Variants in CSMD3 observed in about 807,000 individuals in gnomAD.
The protein encoded by CSMD3 is CUB and Sushi multiple domains 3.
A neutral mutation model predicts 435.2 loss-of-function variants in CSMD3; 177 were observed. The ratio of observed to expected loss-of-function variants is 0.41; its 90% CI spans 0.36 to 0.46. The LOEUF is 0.46. Among genes scored for constraint, CSMD3 ranks in the 20% least tolerant of loss-of-function variants. The pLI is 0.34. For synonymous variants in CSMD3, 1,656 were observed against 1,520.5 expected (o/e 1.09, Z -2.07); for missense variants, 4,265 against 4,504.6 (o/e 0.95, Z 1.52).
intron 16 of CSMD3, among the ~76,000 whole-genome samples, chr8:112,673,694 G>T (rs140414165): frequency 6.6e-6 from 1 of 152,032 alleles, no homozygotes; most frequent in Non-Finnish European, 1.5e-5. Flanking sequence ...ATTCAAGAGA[G>T]AACCTCTTAC....
intron 8 of CSMD3, among the ~76,000 whole-genome samples, chr8:112,951,051 C>T (rs775853971): frequency 1.3e-5 from 2 of 151,826 alleles, no homozygotes; most frequent in Admixed American, 6.6e-5. Context: ...GAGAGAGCTT[C>T]TGTGTGGTAC....
intron 36 of CSMD3, among the ~76,000 whole-genome samples, chr8:112,385,713 A>C (rs888709067): frequency 6.6e-6 from 1 of 152,178 alleles, no homozygotes; most frequent in Admixed American, 6.5e-5. Flanking sequence ...GTGTGATTTG[A>C]ATAGGGGAGG....
intron 9 of CSMD3, among the ~76,000 whole-genome samples, chr8:112,941,398 T>C (rs775563991): frequency 3.2e-4 from 49 of 151,762 alleles, no homozygotes; most frequent in Middle Eastern, 6.3e-3. Flanking sequence ...AAACACATTA[T>C]TGTAGATGTT....
At chr8:112,365,468 CTT>C (rs546920182) in intron 38 of CSMD3, among the ~76,000 whole-genome samples, 6,707 of 112,452 alleles carry the variant, frequency 0.06, 216 homozygotes, top group African/African-American at 0.073. Context: ...CATAGATTTC[CTT>C]TTTTTTTTTT....
intron 24 of CSMD3, among the ~76,000 whole-genome samples, chr8:112,565,846 G>A (rs779767974): frequency 4.3e-4 from 66 of 151,856 alleles, no homozygotes; most frequent in Non-Finnish European, 7.8e-4. Context: ...AGTATATAGG[G>A]CTAAAAGAAT....
At chr8:113,078,098 A>G (rs1452422037) in intron 5 of CSMD3, among the ~76,000 whole-genome samples, 2 of 152,160 alleles carry the variant, frequency 1.3e-5, no homozygotes, top group Non-Finnish European at 2.9e-5. Flanking sequence ...ACAACAAATT[A>G]TATTCAATGC....
chr8:113,001,035 A>C (rs2085843630), intron 6 of CSMD3, among the ~76,000 whole-genome samples: 1 of 151,996 alleles, frequency 6.6e-6, no homozygotes, highest in Admixed American at 6.6e-5. Context: ...TTTTGGTCAT[A>C]GCAACATTCA....
chr8:113,412,423 A>C (rs959200182), intron 1 of CSMD3, among the ~76,000 whole-genome samples: 1 of 152,128 alleles, frequency 6.6e-6, no homozygotes, highest in South Asian at 2.1e-4. Flanking sequence ...ATTTCCCCCC[A>C]AAAACAACAA....
intron 4 of CSMD3, among the ~76,000 whole-genome samples, chr8:113,167,799 A>G (rs775288138): frequency 2.0e-5 from 3 of 152,300 alleles, no homozygotes; most frequent in Admixed American, 1.3e-4. Context: ...GACATGCACA[A>G]CATGTTTTCT....
At chr8:113,041,825 G>C (rs1399945661) in intron 5 of CSMD3, among the ~76,000 whole-genome samples, 1 of 151,842 alleles carries the variant, frequency 6.6e-6, no homozygotes, top group Non-Finnish European at 1.5e-5. Flanking sequence ...ATATACTTTT[G>C]CTTCTGTTTT....
chr8:112,608,286 T>TA (rs368535444), intron 22 of CSMD3, among the ~76,000 whole-genome samples: 6 of 151,694 alleles, frequency 4.0e-5, no homozygotes, highest in African/African-American at 1.2e-4. Context: ...AAAACATTAA[T>TA]AAAAAAAATT....
intron 3 of CSMD3, among the ~76,000 whole-genome samples, chr8:113,254,660 A>C (rs2093364662): frequency 6.6e-6 from 1 of 152,200 alleles, no homozygotes; most frequent in Non-Finnish European, 1.5e-5. Flanking sequence ...AATGGAGTCC[A>C]TCATCTGTCA....
intron 32 of CSMD3, among the ~76,000 whole-genome samples, chr8:112,427,333 G>A (rs1022297533): frequency 6.6e-6 from 1 of 152,122 alleles, no homozygotes; most frequent in African/African-American, 2.4e-5. Context: ...GGGACCCAGT[G>A]TGAGGTAACT....
chr8:112,656,046 G>T (rs1207859861), intron 18 of CSMD3, 108 bp downstream of exon 18: 3 of 659,982 alleles, frequency 4.5e-6, no homozygotes, highest in Non-Finnish European at 8.0e-6. Flanking sequence ...ATGAAGGAAA[G>T]CTTTGATTTA....
rs145601624 is a variant in CSMD3, at chr8:113,375,883, G to A, written c.178+60794C>T. ...ATTACTTAAAGAAAACTTAAAATAA[G>A]TATCAGAAGTCTTATACAATTAATT... is the stretch of plus-strand genomic sequence containing the variant. On this transcript the variant is annotated intron_variant, in intron 1 of 70. Coordinates refer to ENST00000297405, the MANE Select transcript of CSMD3 (RefSeq NM_198123.2). Among the ~76,000 whole-genome samples the A allele has an allele frequency of 9.6e-3, 1,459 of 152,184 alleles. 8 individuals are homozygous for A. Among genetic ancestry groups the A allele is most frequent in the Non-Finnish European group, 0.015 (1,012 of 68,000 alleles).
chr8:112,397,204 A>G lies in CSMD3; in HGVS notation c.5810-6416T>C, dbSNP rs375715814. ...TGCAAACTATATTTTCATTTATGTAAAGATTAGTAGTTGCACCAAATGGTA... is the reference window on the plus strand; with the variant it reads ...TGCAAACTATATTTTCATTTATGTAGAGATTAGTAGTTGCACCAAATGGTA... On this transcript the variant is annotated intron_variant, in intron 35 of 70. Transcript: ENST00000297405. Among the ~76,000 whole-genome samples, 10 of 152,216 alleles carry G rather than the reference A, an allele frequency of 6.6e-5. No individual in the cohort carries two copies. The East Asian group carries it at 1.7e-3, about 26-fold the overall frequency.
chr8:113,316,294 G>T (rs776872381), intron 1 of CSMD3, among the ~76,000 whole-genome samples: 3 of 152,118 alleles, frequency 2.0e-5, no homozygotes, highest in Non-Finnish European at 2.9e-5. Flanking sequence ...ACTACCAAAA[G>T]CATCTATGTT....
At chr8:113,379,240 T>A (rs894968899) in intron 1 of CSMD3, among the ~76,000 whole-genome samples, 18 of 152,226 alleles carry the variant, frequency 1.2e-4, no homozygotes, top group African/African-American at 4.1e-4. Flanking sequence ...CATGGAATTT[T>A]AAAAAAACTT....
intron 10 of CSMD3, among the ~76,000 whole-genome samples, chr8:112,882,252 A>G (rs939814418): frequency 6.6e-6 from 1 of 151,996 alleles, no homozygotes; most frequent in Non-Finnish European, 1.5e-5. Context: ...CTAACCAGCA[A>G]CAAGATACAA....
Sources: allele counts gnomAD v4.1 joint callset (sites outside exome capture counted in the v4.1 genomes callset), GRCh38; gene constraint gnomAD v4.1.1; transcripts MANE v1.5; gene names NCBI Gene and HGNC (gene_info 2026-07-23, HGNC 2026-07-21).